LRWD1: variants seen among roughly 807,000 people sequenced by gnomAD.
LRWD1 encodes leucine rich repeats and WD repeat domain containing 1, also known as leucine-rich repeat and WD repeat-containing protein 1.
In LRWD1, 76 loss-of-function variants were observed where a neutral mutation model predicts 75.6. The observed-to-expected ratio is 1.01, with a 90% confidence interval of 0.84 to 1.22. The LOEUF (loss-of-function observed/expected upper bound fraction) is 1.22, where lower values mean the gene tolerates loss of function less well. LRWD1 is among the 50% of genes most tolerant of loss of function. The probability of loss-of-function intolerance (pLI) is 0.00; values close to 1 mark genes in which losing one functional copy is unlikely to be tolerated. For missense variants in LRWD1, 917 were observed against 862.0 expected (o/e 1.06, Z -0.80); for synonymous variants, 487 against 377.0 (o/e 1.29, Z -3.38).
intron 11 of LRWD1, 56 bp from the exon 12 acceptor site, chr7:102,472,162 T>C (rs1169825177): frequency 1.0e-5 from 15 of 1,497,598 alleles, no homozygotes; most frequent in Non-Finnish European, 2.7e-6. Flanking sequence ...CCTGGGTGAG[T>C]GGGCAGCTCT....
At chr7:102,465,770 G>C in intron 1 of LRWD1, 47 bp from the exon 2 acceptor site, 1 of 1,443,596 alleles carries the variant, frequency 6.9e-7, no homozygotes. Flanking sequence ...GATTGGTGTA[G>C]GGTGCAAAGC....
chr7:102,466,760 CTTTTTTTTTTTTTTTTTTTTTT>C (rs71106685), intron 3 of LRWD1, among the ~76,000 whole-genome samples: 3 of 53,074 alleles, frequency 5.7e-5, no homozygotes, highest in East Asian at 5.5e-4. Context: ...TCTTTTTTAC[CTTTTTTTTTTTTTTTTTTTTTT>C]TTTTTTTTTT....
At chr7:102,466,619 T>C (rs1797986356) in intron 3 of LRWD1, among the ~76,000 whole-genome samples, 1 of 152,060 alleles carries the variant, frequency 6.6e-6, no homozygotes, top group Non-Finnish European at 1.5e-5. Flanking sequence ...GGTTTCACCA[T>C]GTTGGCCAGG....
Position 102,465,489 on chromosome 7 carries a change from CTTTTTTTTTTTTTTTTTTTTTTT to C in LRWD1, c.81-314_81-292del, listed in dbSNP as rs1007523343. 4.9e-4 allele frequency: 36 copies of C among 73,750 alleles called. 1 individual carries two copies. The highest frequency in any genetic ancestry group is 2.6e-3 in the African/African-American group (29 of 11,168). The allele number at this position is 73,750 out of a possible 1,614,324, so 4.6% of individuals were successfully genotyped here. A position where few individuals can be genotyped will look rare whatever the true frequency, so the allele number is the denominator to read the frequency against. ...CCCCCGAGTCCTAAAGTAGTTGCAG[CTTTTTTTTTTTTTTTTTTTTTTT>C]TTTTTTTTTTTTTGTTAAGTGGTGT... On this transcript the variant is annotated intron_variant, in intron 1 of 14. Transcript: ENST00000292616.
At chr7:102,470,021 G>C in intron 11 of LRWD1, 139 bp downstream of exon 11, 1 of 1,094,064 alleles carries the variant, frequency 9.1e-7, no homozygotes, top group Non-Finnish European at 1.2e-6. Flanking sequence ...GAGCTGGCTT[G>C]TCCCACCTTT....
At chr7:102,471,483 G>A (rs1798183882) in intron 11 of LRWD1, 1 of 154,714 alleles carries the variant, frequency 6.5e-6, no homozygotes, top group African/African-American at 2.4e-5. Context: ...GGCGGCGGTA[G>A]TTATGGGCTT....
In LRWD1 at chr7:102,467,735, A is replaced by T; in HGVS notation, c.590A>T (p.Glu197Val). The T allele has an allele frequency of 6.4e-7, 1 of 1,551,660 alleles. No individual in the cohort carries two copies. The highest frequency in any genetic ancestry group is 8.7e-7 in the Non-Finnish European group (1 of 1,147,092). The part of the protein sequence containing the change: ...FTQWRVRMIS[E>V]ELVAASRTQV... ...CCCACCCAGGTGCGGATGATCTCTG[A>T]GGAGCTGGTGGCCGCCAGTAGGACC... Residue 197 changes from glutamate (E) to valine (V), a missense_variant, in exon 5 of 15, where the codon GAG (glutamate) becomes GTG (valine). Physicochemically the swap from Glu to Val is moderately radical, Grantham distance 121. Transcript: ENST00000292616.
chr7:102,472,415 G>GA (rs761788394), intron 12 of LRWD1, 39 bp from the exon 13 acceptor site: 32 of 1,546,636 alleles, frequency 2.1e-5, no homozygotes, highest in Non-Finnish European at 2.7e-5. Context: ...AGGTGTCTGG[G>GA]AGGGGCCACC....
At chr7:102,467,141 GCACCTGGGTTGTTGCTGGGGTGTGTGT>G (rs1563654069) in intron 3 of LRWD1, among the ~76,000 whole-genome samples, 171 bp from the exon 4 acceptor site, 2 of 116,200 alleles carry the variant, frequency 1.7e-5, no homozygotes, top group Admixed American at 8.9e-5. Flanking sequence ...GTGTGTGTAG[GCACCTGGGTTGTTGCTGGGGTGTGTGT>G]GGGGTGTGTG....
Position 102,468,894 on chromosome 7 carries a change from A to T in LRWD1, c.1060A>T (p.Thr354Ser). The T allele has an allele frequency of 6.2e-7, 1 of 1,612,724 alleles. No homozygotes were observed. The highest frequency in any genetic ancestry group is 8.5e-7 in the Non-Finnish European group (1 of 1,179,966). The change falls in exon 9 of 15, where the codon ACA becomes TCA. Residue 354 changes from threonine (T) to serine (S), a missense_variant. Thr to Ser is a moderately conservative substitution (Grantham distance 58). Transcript: ENST00000292616. ...GGCCTGGACCGCTCTGATGGTGGTC[A>T]CACAGGCTGGCCACAAGAAGCGCTG... The part of the protein sequence containing the change: ...SVAWTALMVV[T>S]QAGHKKRWSV...
At position 102,472,624 on chromosome 7, in the gene LRWD1, C is replaced by G. The variant is rs1306510794; in HGVS notation, c.1690+15C>G. 5.0e-6 allele frequency: 8 copies of G among 1,609,730 alleles called. No individual in the cohort carries two copies. The highest frequency in any genetic ancestry group is 6.8e-6 in the Non-Finnish European group (8 of 1,177,486). On this transcript the variant is annotated intron_variant, in intron 13 of 14. Transcript: ENST00000292616. ...CGCCTGCCCTGGTGAGCCTGCCCCC[C>G]TGCCCGCCCCATCCCGCGGGCTTCC...
In LRWD1 at chr7:102,469,566, C is replaced by T. The variant is rs772247076; in HGVS notation, c.1229-8C>T. On this transcript the variant is annotated splice_region_variant and splice_polypyrimidine_tract_variant and intron_variant, in intron 9 of 14. Coordinates refer to ENST00000292616, the MANE Select transcript of LRWD1 (RefSeq NM_152892.3). ...GGCCACTTCTCCCCTACCCCACCCC[C>T]TCTTCAGCGGCCTCCTATGACAAGC... 5.0e-6 allele frequency: 8 copies of T among 1,614,146 alleles called. No individual in the cohort carries two copies. The highest frequency in any genetic ancestry group is 5.1e-6 in the Non-Finnish European group (6 of 1,179,962).
chr7:102,467,592 G>A, intron 4 of LRWD1, 113 bp downstream of exon 4: 1 of 1,529,504 alleles, frequency 6.5e-7, no homozygotes, highest in Non-Finnish European at 8.9e-7. Context: ...AGTCAGGGTG[G>A]GCAGCCCTGT....
intron 9 of LRWD1, among the ~76,000 whole-genome samples, chr7:102,469,332 T>C (rs1798116655): frequency 1.3e-5 from 2 of 152,184 alleles, no homozygotes; most frequent in African/African-American, 4.8e-5. Flanking sequence ...CCCCCGGGTG[T>C]GGCGCCCCTG....
chr7:102,469,132 T>G, intron 9 of LRWD1, 70 bp downstream of exon 9: 1 of 1,379,262 alleles, frequency 7.3e-7, no homozygotes, highest in Non-Finnish European at 9.8e-7. Flanking sequence ...GCCTCCACGC[T>G]CCCCTCCCTG....
chr7:102,469,082 C>T lies in LRWD1; in HGVS notation c.1228+20C>T, dbSNP rs1219639151. ...TCTTCAGTAAGCCCCTCCCCTTCAC[C>T]CCTGGGACCCCCAAGCACCCCTGTC... On this transcript the variant is annotated intron_variant, in intron 9 of 14. Coordinates refer to ENST00000292616, the MANE Select transcript of LRWD1 (RefSeq NM_152892.3). The T allele has an allele frequency of 1.9e-6, 3 of 1,563,354 alleles. No homozygotes were observed. Among genetic ancestry groups the T allele is most frequent in the Admixed American group, 3.6e-5 (2 of 55,018 alleles).
At chr7:102,467,597 C>T in intron 4 of LRWD1, 118 bp downstream of exon 4, 2 of 1,524,346 alleles carry the variant, frequency 1.3e-6, no homozygotes, top group Non-Finnish European at 1.8e-6. Context: ...GGGTGGGCAG[C>T]CCTGTTGGCT....
At chr7:102,471,921 C>T (rs1298627706) in intron 11 of LRWD1, 2 of 383,984 alleles carry the variant, frequency 5.2e-6, no homozygotes, top group African/African-American at 4.1e-5. Flanking sequence ...ACACTCGGTC[C>T]CAGAGGCACT....
rs766694949 is a variant in LRWD1 at position 102,472,725 on chromosome 7, G to T, written c.1724G>T (p.Gly575Val). 3 of 1,613,544 alleles carry T rather than the reference G, an allele frequency of 1.9e-6. No homozygotes were observed. Among genetic ancestry groups the T allele is most frequent in the East Asian group, 4.5e-5 (2 of 44,874 alleles). Residue 575 changes from glycine to valine, a missense_variant, in exon 14 of 15, where the codon GGC becomes GTC. Gly to Val is a moderately radical substitution (Grantham distance 109). Transcript: ENST00000292616. ...ATTGTGCTCTGTGGGGATGAGGAGG[G>T]CAACGTGTGGCTCTACGACGTCAGC... is the stretch of plus-strand genomic sequence containing the variant. ...KGIVLCGDEE[G>V]NVWLYDVSNI...
Sources: gnomAD v4.1 joint callset for allele counts (sites outside exome capture counted in the v4.1 genomes callset) on GRCh38, gnomAD v4.1.1 for gene constraint, MANE v1.5 for transcripts, NCBI Gene and HGNC (gene_info 2026-07-23, HGNC 2026-07-21) for gene names.